SYNE1: variants seen among roughly 807,000 people sequenced by gnomAD.
SYNE1 encodes the protein nesprin-1.
In SYNE1, 616 loss-of-function variants were observed where a neutral mutation model predicts 1,111.0. The ratio of observed to expected loss-of-function variants is 0.55; its 90% confidence interval spans 0.52 to 0.59. The LOEUF (loss-of-function observed/expected upper bound fraction) is 0.59. SYNE1 is among the 20% of genes least tolerant of loss of function. The pLI is 0.00. For missense variants in SYNE1, 10,006 were observed against 10,417.0 expected, an observed-to-expected ratio of 0.96 and a Z score of 1.72; for synonymous variants, 3,855 against 3,825.8, an observed-to-expected ratio of 1.01 and a Z score of -0.28.
chr6:152,332,063 C>T (rs2096261209), intron 77 of SYNE1, among the ~76,000 whole-genome samples, 173 bp from the exon 78 acceptor site: 1 of 152,194 alleles, frequency 6.6e-6, no homozygotes, highest in Non-Finnish European at 1.5e-5. Context: ...CAACCTCCGC[C>T]TCCCAGGTTC....
At chr6:152,585,078 G>C (rs1047914957) in intron 3 of SYNE1, among the ~76,000 whole-genome samples, 10 of 152,128 alleles carry the variant, frequency 6.6e-5, no homozygotes, top group Non-Finnish European at 1.2e-4. Context: ...ATGCTATTCT[G>C]CTAATAGTGA....
In SYNE1 at chr6:152,294,030, G is replaced by A. The variant is rs145085256; in HGVS notation, c.17780C>T (p.Pro5927Leu). The A allele has an allele frequency of 2.5e-5, 40 of 1,614,028 alleles. No individual in the cohort carries two copies. The highest frequency in any genetic ancestry group is 7.7e-5 in the South Asian group (7 of 91,072). The change falls in exon 94 of 146, where the codon CCG becomes CTG. Residue 5927 changes from proline to leucine, a missense_variant. Pro to Leu is a moderately conservative substitution (Grantham distance 98). Coordinates refer to ENST00000367255, the MANE Select transcript of SYNE1 (RefSeq NM_182961.4). ...STSASQEFYE[P>L]GLEPSATAKL... ...GGCAGTAGCGGATGGCTCCAATCCCGGTTCATAGAACTCCTGGGATGCGGA... is the reference window on the plus strand; with the variant it reads ...GGCAGTAGCGGATGGCTCCAATCCCAGTTCATAGAACTCCTGGGATGCGGA...
intron 81 of SYNE1, among the ~76,000 whole-genome samples, chr6:152,324,333 A>G (rs2095982867): frequency 6.6e-6 from 1 of 152,004 alleles, no homozygotes; most frequent in Non-Finnish European, 1.5e-5. Flanking sequence ...CAGGGGGTGG[A>G]GGTTGCAGTG....
intron 41 of SYNE1, among the ~76,000 whole-genome samples, chr6:152,414,414 A>G (rs921086510): frequency 1.3e-4 from 20 of 151,156 alleles, no homozygotes; most frequent in African/African-American, 4.9e-4. Flanking sequence ...GTCTCAAAGA[A>G]AAAAAAAAGT....
chr6:152,476,488 T>C (rs1446528937), intron 14 of SYNE1, among the ~76,000 whole-genome samples: 2 of 152,170 alleles, frequency 1.3e-5, no homozygotes, highest in Non-Finnish European at 2.9e-5. Flanking sequence ...AACTGGATGA[T>C]GGAAATGGTA....
rs114739771 is a variant in SYNE1 at position 152,236,801 on chromosome 6, G to A, written c.20199+16C>T. The stretch of plus-strand genomic sequence containing the variant: ...GGTAAGTTTCTAAAGGCAATGTGGC[G>A]GCTTGTAACACCAACCTGGTAGAGT... On this transcript the variant is annotated intron_variant, in intron 109 of 145. Coordinates refer to ENST00000367255, the MANE Select transcript of SYNE1 (RefSeq NM_182961.4). 7.2e-4 allele frequency: 1,155 copies of A among 1,614,040 alleles called. 5 individuals carry two copies. In the African/African-American group the frequency reaches 0.012, roughly 17 times the overall value.
chr6:152,352,080 C>G lies in SYNE1; in HGVS notation c.11527G>C (p.Glu3843Gln), dbSNP rs1415971410. 25 of 1,614,066 alleles carry G rather than the reference C, an allele frequency of 1.5e-5. No homozygotes were observed. The highest frequency in any genetic ancestry group is 2.1e-5 in the Non-Finnish European group (25 of 1,180,040). The change falls in exon 70 of 146, where the codon GAA (glutamate) becomes CAA (glutamine). Residue 3843 changes from glutamate (E) to glutamine (Q), a missense_variant. Glu to Gln is a conservative substitution (Grantham distance 29). This residue lies in a region of SYNE1 where 4,955 missense variants were observed against 5,017.2 expected (regional missense o/e 0.99). Transcript: ENST00000367255. ...AEYQEILHVP[E>Q]EPKMELYEKK... ...TCATATAATTCCATTTTGGGTTCTT[C>G]AGGAACATGTAGAATTTCCTGGTAT...
chr6:152,523,859 G>A (rs1382576603), intron 5 of SYNE1, among the ~76,000 whole-genome samples: 1 of 152,042 alleles, frequency 6.6e-6, no homozygotes, highest in Non-Finnish European at 1.5e-5. Flanking sequence ...CTTGGTGGCT[G>A]TTGCTATATA....
chr6:152,627,187 A>T (rs577284639), intron 3 of SYNE1, among the ~76,000 whole-genome samples: 1 of 152,366 alleles, frequency 6.6e-6, no homozygotes, highest in East Asian at 1.9e-4. Flanking sequence ...ACAATGAAGC[A>T]GTGAATATAT....
chr6:152,498,824 A>T, intron 10 of SYNE1, 32 bp from the exon 11 acceptor site: 1 of 1,274,250 alleles, frequency 7.8e-7, no homozygotes, highest in Non-Finnish European at 1.1e-6. Flanking sequence ...ATATAGAAAT[A>T]TAATATAAAT....
chr6:152,544,333 G>T (rs2099294660), intron 3 of SYNE1, among the ~76,000 whole-genome samples: 1 of 152,062 alleles, frequency 6.6e-6, no homozygotes, highest in Admixed American at 6.6e-5. Flanking sequence ...AATCGTAAAT[G>T]GTTCCTAAAG....
chr6:152,456,154 C>T (rs185081102), intron 22 of SYNE1, 110 bp from the exon 23 acceptor site: 118 of 1,153,580 alleles, frequency 1.0e-4, no homozygotes, highest in Non-Finnish European at 5.2e-5. Context: ...AGCTTTTAGG[C>T]TTCTAACACC....
In SYNE1 at chr6:152,256,815, A is replaced by C. The variant is rs758719884; in HGVS notation, c.18973-50T>G. On this transcript the variant is annotated intron_variant, in intron 101 of 145. Transcript: ENST00000367255. Reference sequence around the variant, plus strand: ...TTGAAGAGCATATGCATTATGTCCCAGTATTCTCATTTGGAAATGCATACT... The same window carrying C: ...TTGAAGAGCATATGCATTATGTCCCCGTATTCTCATTTGGAAATGCATACT... The C allele has an allele frequency of 5.0e-6, 8 of 1,608,706 alleles. No individual in the cohort carries two copies. The Admixed American group carries it at 5.0e-5, about 10-fold the overall frequency.
chr6:152,224,422 T>C (rs902203138), intron 117 of SYNE1, 72 bp downstream of exon 117: 8 of 1,296,988 alleles, frequency 6.2e-6, no homozygotes, highest in African/African-American at 5.8e-5. Flanking sequence ...CAGGATGATG[T>C]CTCCATTTGG....
chr6:152,224,321 G>A (rs1266154577), intron 117 of SYNE1, among the ~76,000 whole-genome samples, 173 bp downstream of exon 117: 4 of 152,012 alleles, frequency 2.6e-5, no homozygotes, highest in African/African-American at 9.7e-5. Flanking sequence ...GGCACACACA[G>A]GCAAGTTTGC....
At chr6:152,203,489 T>C (rs2075915440) in intron 126 of SYNE1, among the ~76,000 whole-genome samples, 1 of 152,172 alleles carries the variant, frequency 6.6e-6, no homozygotes, top group South Asian at 2.1e-4. Context: ...ATTACAGAAT[T>C]CCAAAGCAAG....
intron 3 of SYNE1, among the ~76,000 whole-genome samples, chr6:152,572,397 C>T (rs1199228068): frequency 2.0e-5 from 3 of 152,140 alleles, no homozygotes; most frequent in South Asian, 2.1e-4. Flanking sequence ...CTTCAGTCCT[C>T]AATGTCTTGC....
chr6:152,142,409 G>A (rs1162061338), intron 138 of SYNE1, among the ~76,000 whole-genome samples: 1 of 152,160 alleles, frequency 6.6e-6, no homozygotes, highest in Non-Finnish European at 1.5e-5. Context: ...TAAAATTATA[G>A]AGCAATATTA....
intron 3 of SYNE1, among the ~76,000 whole-genome samples, chr6:152,565,503 G>A (rs1036429430): frequency 6.6e-6 from 1 of 152,072 alleles, no homozygotes; most frequent in African/African-American, 2.4e-5. Context: ...TACGTGCTAA[G>A]TGTCTGACGA....
Sources: gnomAD v4.1 joint callset for allele counts (sites outside exome capture counted in the v4.1 genomes callset) on GRCh38, gnomAD v4.1.1 for gene constraint, gnomAD v4.1.1 regional missense constraint, MANE v1.5 for transcripts, NCBI Gene and HGNC (gene_info 2026-07-23, HGNC 2026-07-21) for gene names.